The following CMIP variants were observed in gnomAD, a reference collection of about 807,000 sequenced individuals.
The protein encoded by CMIP is c-Maf inducing protein, also known as C-Maf-inducing protein.
In CMIP, 13 loss-of-function variants were observed where a neutral mutation model predicts 97.3. The observed-to-expected ratio is 0.13, with a 90% CI of 0.09 to 0.21. The LOEUF (loss-of-function observed/expected upper bound fraction) is 0.21, where lower values mean the gene tolerates loss of function less well. Ranked by LOEUF, CMIP falls within the 10% of genes least tolerant of loss-of-function variation. The pLI is 1.00. For synonymous variants in CMIP, 538 were observed against 436.3 expected, an observed-to-expected ratio of 1.23 and a Z score of -2.91; for missense variants, 847 against 1,024.9, an observed-to-expected ratio of 0.83 and a Z score of 2.37.
At chr16:81,622,441 C>G (rs904284325) in intron 3 of CMIP, among the ~76,000 whole-genome samples, 1 of 152,120 alleles carries the variant, frequency 6.6e-6, no homozygotes, top group African/African-American at 2.4e-5. Context: ...GGACATTCGT[C>G]AGCACCTACT....
At chr16:81,505,122 C>G (rs868366230) in intron 1 of CMIP, among the ~76,000 whole-genome samples, 1 of 152,198 alleles carries the variant, frequency 6.6e-6, no homozygotes, top group Non-Finnish European at 1.5e-5. Flanking sequence ...GTGACCCAGC[C>G]GATGGAGGGC....
At chr16:81,540,147 G>A (rs1359471790) in intron 1 of CMIP, among the ~76,000 whole-genome samples, 5 of 152,202 alleles carry the variant, frequency 3.3e-5, no homozygotes, top group East Asian at 3.8e-4. Flanking sequence ...ACGGAAAGAC[G>A]AAGCAAGGGC....
chr16:81,477,441 G>A (rs558223649), intron 1 of CMIP, among the ~76,000 whole-genome samples: 3 of 152,292 alleles, frequency 2.0e-5, no homozygotes, highest in East Asian at 1.9e-4. Context: ...GATTACAGGC[G>A]TGAGCCACCG....
chr16:81,480,460 A>G (rs1567536536), intron 1 of CMIP, among the ~76,000 whole-genome samples: 1 of 152,208 alleles, frequency 6.6e-6, no homozygotes, highest in South Asian at 2.1e-4. Context: ...GAATCGCTTG[A>G]ACCCGAGAGG....
intron 1 of CMIP, among the ~76,000 whole-genome samples, chr16:81,564,932 G>C (rs2090952246): frequency 6.6e-6 from 1 of 152,052 alleles, no homozygotes; most frequent in Non-Finnish European, 1.5e-5. Flanking sequence ...CCGGGCGACT[G>C]TATGCAGGTG....
At chr16:81,497,562 G>A (rs920449409) in intron 1 of CMIP, among the ~76,000 whole-genome samples, 3 of 152,228 alleles carry the variant, frequency 2.0e-5, no homozygotes, top group Non-Finnish European at 4.4e-5. Flanking sequence ...GACACAGCCA[G>A]CTTGGAGAAG....
intron 1 of CMIP, among the ~76,000 whole-genome samples, chr16:81,590,381 GC>G (rs2091448729): frequency 6.6e-6 from 1 of 152,170 alleles, no homozygotes; most frequent in Non-Finnish European, 1.5e-5. Context: ...TGTCACACTG[GC>G]TCATTCCCAT....
intron 1 of CMIP, among the ~76,000 whole-genome samples, chr16:81,531,171 G>A (rs754396282): frequency 2.6e-5 from 4 of 152,178 alleles, no homozygotes; most frequent in Non-Finnish European, 5.9e-5. Flanking sequence ...TCCAGTGACT[G>A]TGTCCGTAAA....
Position 81,655,281 on chromosome 16 carries a change from G to C in CMIP, c.640-2494G>C, listed in dbSNP as rs2092469983. ...TTGTTTGCAAGGCCTCCTCTGGAGAGGTTCCAGGCATCACCAGACCAACCA... is the reference window on the plus strand; with the variant it reads ...TTGTTTGCAAGGCCTCCTCTGGAGACGTTCCAGGCATCACCAGACCAACCA... On this transcript the variant is annotated intron_variant, in intron 4 of 20. Transcript: ENST00000537098. This position sits in a 1 kb window ranked among gnomAD's most constrained non-coding sequence, Gnocchi z 4.9. 6.6e-6 allele frequency among the ~76,000 whole-genome samples: 1 copy of C among 152,190 alleles called. No homozygotes were observed. Among genetic ancestry groups the C allele is most frequent in the South Asian group, 2.1e-4 (1 of 4,824 alleles).
chr16:81,537,683 T>C (rs1314480253), intron 1 of CMIP, among the ~76,000 whole-genome samples: 1 of 150,936 alleles, frequency 6.6e-6, no homozygotes, highest in African/African-American at 2.4e-5. Context: ...CTGGTCCATA[T>C]AGTGAGACGC....
chr16:81,675,370 A>ATT (rs35314200), intron 9 of CMIP, among the ~76,000 whole-genome samples: 52 of 123,364 alleles, frequency 4.2e-4, no homozygotes, highest in Admixed American at 3.3e-3. Context: ...CACCTGGCTA[A>ATT]TTTTTTTTTT....
At chr16:81,484,191 G>C (rs979928027) in intron 1 of CMIP, among the ~76,000 whole-genome samples, 1 of 152,016 alleles carries the variant, frequency 6.6e-6, no homozygotes, top group Non-Finnish European at 1.5e-5. Flanking sequence ...GGTGGAAGTC[G>C]CCCTTCCCTG....
At chr16:81,642,191 A>C (rs1597184109) in intron 3 of CMIP, among the ~76,000 whole-genome samples, 2 of 152,218 alleles carry the variant, frequency 1.3e-5, no homozygotes, top group Admixed American at 6.5e-5. Flanking sequence ...CTTGATATGT[A>C]GTAGCCATTA....
chr16:81,452,276 T>G (rs914134291), intron 1 of CMIP, among the ~76,000 whole-genome samples: 6 of 152,152 alleles, frequency 3.9e-5, no homozygotes, highest in African/African-American at 1.4e-4. Context: ...GTGGTGACCT[T>G]GGGCAGGTCC....
intron 1 of CMIP, among the ~76,000 whole-genome samples, chr16:81,475,122 G>A (rs1388856873): frequency 6.6e-6 from 1 of 152,042 alleles, no homozygotes; most frequent in Non-Finnish European, 1.5e-5. Context: ...TGCTGTGTCT[G>A]GAGGCCTTAA....
intron 1 of CMIP, among the ~76,000 whole-genome samples, chr16:81,516,255 C>T (rs1439994091): frequency 6.6e-6 from 1 of 152,194 alleles, no homozygotes; most frequent in East Asian, 1.9e-4. Flanking sequence ...TTGACTTCAG[C>T]AGCCCATTTT....
chr16:81,537,814 C>T (rs1241907768), intron 1 of CMIP, among the ~76,000 whole-genome samples: 2 of 152,216 alleles, frequency 1.3e-5, no homozygotes, highest in Non-Finnish European at 2.9e-5. Context: ...GGGAAACACC[C>T]TGTGGTATGA....
intron 20 of CMIP, among the ~76,000 whole-genome samples, chr16:81,707,600 C>A (rs999010142): frequency 2.6e-5 from 4 of 152,214 alleles, no homozygotes; most frequent in Non-Finnish European, 5.9e-5. Flanking sequence ...TTGAGCAGGG[C>A]TGGTGCCTCA....
chr16:81,699,579 G>A (rs571412338), intron 14 of CMIP, 106 bp from the exon 15 acceptor site: 185 of 694,386 alleles, frequency 2.7e-4, no homozygotes, highest in African/African-American at 3.4e-4. Flanking sequence ...TCTGGACAGC[G>A]TGTAGGCAGG....
Sources: gnomAD v4.1 joint callset for allele counts (sites outside exome capture counted in the v4.1 genomes callset) on GRCh38, gnomAD v4.1.1 for gene constraint, Gnocchi (gnomAD v3.1) non-coding constraint, MANE v1.5 for transcripts, NCBI Gene and HGNC (gene_info 2026-07-23, HGNC 2026-07-21) for gene names.